The following ABI3BP variants were observed in gnomAD, a reference collection of about 807,000 sequenced individuals.
ABI3BP encodes the protein ABI family member 3 binding protein.
In ABI3BP, 216 loss-of-function variants were observed where a neutral mutation model predicts 268.6. The ratio of observed to expected loss-of-function variants is 0.80; its 90% confidence interval spans 0.72 to 0.90. The LOEUF (loss-of-function observed/expected upper bound fraction) is 0.90, where lower values mean the gene tolerates loss of function less well. Ranked by LOEUF, ABI3BP falls within the 40% of genes least tolerant of loss-of-function variation. ABI3BP has a pLI of 0.00. For synonymous variants in ABI3BP, 730 were observed against 730.0 expected, an observed-to-expected ratio of 1.00 and a Z score of 0.00; for missense variants, 2,090 against 2,182.4, an observed-to-expected ratio of 0.96 and a Z score of 0.84.
Position 100,840,844 on chromosome 3 carries a change from C to T in ABI3BP, c.1780G>A (p.Gly594Arg). 6.5e-7 allele frequency: 1 copy of T among 1,535,086 alleles called. No individual in the cohort carries two copies. Among genetic ancestry groups the T allele is most frequent in the Non-Finnish European group, 8.7e-7 (1 of 1,146,280 alleles). The change falls in exon 22 of 68, where the codon GGA becomes AGA. Residue 594 changes from glycine (G) to arginine (R), a missense_variant. Transcript: ENST00000471714. ...SQSTIGPETP[G>R]TKPSTTLAPR... ...CCTAATGTTGTTGAAGGTTTGGTTC[C>T]TGGTGTTTCAGGTCCTAAGACAATG...
In ABI3BP at chr3:100,816,848, T is replaced by G. The variant is rs1246930733; in HGVS notation, c.3149-80A>C. On this transcript the variant is annotated intron_variant, in intron 42 of 67. Coordinates refer to ENST00000471714, the MANE Select transcript of ABI3BP (RefSeq NM_001375547.2). ...TTAGGTTTTTAAAGGTATGTCATAT[T>G]TCCTTGAGATTTAAGTCATATGTCT... 4.2e-6 allele frequency: 4 copies of G among 947,158 alleles called. No individual in the cohort carries two copies. In the East Asian group the frequency reaches 1.1e-4, roughly 25 times the overall value. 58.7% of individuals were successfully genotyped at this position (947,158 alleles called of 1,614,324 possible). A position where few individuals can be genotyped will look rare whatever the true frequency, so the allele number is the denominator to read the frequency against.
chr3:100,810,305 G>A (rs1435785280), intron 49 of ABI3BP, 107 bp downstream of exon 49: 4 of 918,220 alleles, frequency 4.4e-6, no homozygotes, highest in African/African-American at 1.7e-5. Context: ...ACCCATCAAA[G>A]TCTGTGGGCA....
intron 2 of ABI3BP, among the ~76,000 whole-genome samples, chr3:100,918,818 G>T (rs2059424841): frequency 6.6e-6 from 1 of 152,162 alleles, no homozygotes; most frequent in Non-Finnish European, 1.5e-5. Flanking sequence ...AACAGATAAA[G>T]TTCCCTAAGT....
intron 1 of ABI3BP, among the ~76,000 whole-genome samples, chr3:100,989,105 A>C (rs558071551): frequency 2.0e-5 from 3 of 152,310 alleles, no homozygotes; most frequent in African/African-American, 7.2e-5. Context: ...TGCCCTTATA[A>C]AAAGTCTTAT....
intron 54 of ABI3BP, 84 bp downstream of exon 54, chr3:100,794,839 T>G: frequency 1.0e-6 from 1 of 979,360 alleles, no homozygotes. Flanking sequence ...AGAAAAAATC[T>G]GTGAACATAA....
intron 6 of ABI3BP, among the ~76,000 whole-genome samples, chr3:100,884,018 A>T (rs1349923616): frequency 6.6e-6 from 1 of 152,094 alleles, no homozygotes; most frequent in Non-Finnish European, 1.5e-5. Context: ...CATTTTGACC[A>T]AGTGAAAACA....
At chr3:100,896,735 G>A (rs774643278) in intron 4 of ABI3BP, among the ~76,000 whole-genome samples, 15 of 152,222 alleles carry the variant, frequency 9.9e-5, no homozygotes, top group East Asian at 3.9e-4. Context: ...ATTAGGAACC[G>A]GAATTATCAC....
chr3:100,762,437 A>G (rs1041343765), intron 63 of ABI3BP, among the ~76,000 whole-genome samples: 1 of 152,094 alleles, frequency 6.6e-6, no homozygotes, highest in Non-Finnish European at 1.5e-5. Flanking sequence ...TACCCCTTCC[A>G]TCCTATTCTT....
At chr3:100,787,657 C>A in intron 57 of ABI3BP, 71 bp downstream of exon 57, 2 of 1,227,812 alleles carry the variant, frequency 1.6e-6, no homozygotes, top group Admixed American at 2.9e-5. Flanking sequence ...GTGAATTCAG[C>A]AATATCATGA....
chr3:100,874,005 T>C (rs1310821384), intron 9 of ABI3BP, among the ~76,000 whole-genome samples: 2 of 152,318 alleles, frequency 1.3e-5, no homozygotes, highest in African/African-American at 4.8e-5. Flanking sequence ...TTGTTCAATT[T>C]CTACAGCACC....
Position 100,750,484 on chromosome 3 carries a change from T to G in ABI3BP, c.*11A>C, listed in dbSNP as rs752123935. The G allele has an allele frequency of 1.9e-6, 3 of 1,591,716 alleles. No homozygotes were observed. Among genetic ancestry groups the G allele is most frequent in the Non-Finnish European group, 1.7e-6 (2 of 1,161,972 alleles). On this transcript the variant is annotated 3_prime_UTR_variant, in exon 68 of 68. Coordinates refer to ENST00000471714, the MANE Select transcript of ABI3BP (RefSeq NM_001375547.2). ...TGCAATGATGAAACAGAAGGTAACT[T>G]TGTGCAGCATCTACCATTTTCCAGG...
Position 100,864,874 on chromosome 3 carries a change from G to C in ABI3BP, c.1022C>G (p.Pro341Arg). The change falls in exon 11 of 68, where the codon CCC becomes CGC. Residue 341 changes from proline to arginine, a missense_variant. Coordinates refer to ENST00000471714, the MANE Select transcript of ABI3BP (RefSeq NM_001375547.2). ...AACATCTAATGCACTAGACGTAGTG[G>C]GTTTAGTGCTTCTTGGAACTGTTTC... Reference protein sequence around the residue: ...TPETVPRSTKPTTSSALDVSE... With the variant: ...TPETVPRSTKRTTSSALDVSE... 1.2e-6 allele frequency: 2 copies of C among 1,608,636 alleles called. No individual in the cohort carries two copies. The highest frequency in any genetic ancestry group is 1.7e-6 in the Non-Finnish European group (2 of 1,178,290).
At chr3:100,810,128 A>G (rs532386686) in intron 49 of ABI3BP, among the ~76,000 whole-genome samples, 58 of 152,232 alleles carry the variant, frequency 3.8e-4, no homozygotes, top group Non-Finnish European at 7.2e-4. Context: ...CAGAATATAT[A>G]TATTTTAAAA....
intron 41 of ABI3BP, among the ~76,000 whole-genome samples, chr3:100,817,744 GA>G (rs2098101267): frequency 6.6e-6 from 1 of 152,160 alleles, no homozygotes; most frequent in African/African-American, 2.4e-5. Flanking sequence ...CACATTAGTG[GA>G]AGATTGTTGG....
At chr3:100,767,220 C>G (rs560439115) in intron 62 of ABI3BP, among the ~76,000 whole-genome samples, 1 of 152,106 alleles carries the variant, frequency 6.6e-6, no homozygotes, top group Non-Finnish European at 1.5e-5. Flanking sequence ...GGATTACAGG[C>G]GTGAGCCACT....
intron 53 of ABI3BP, 56 bp downstream of exon 53, chr3:100,795,748 T>C: frequency 8.3e-7 from 1 of 1,211,722 alleles, no homozygotes; most frequent in East Asian, 5.8e-5. Context: ...GAGAAAGGCC[T>C]GCAATCTTGA....
At chr3:100,983,007 C>A (rs2090290788) in intron 1 of ABI3BP, among the ~76,000 whole-genome samples, 1 of 152,226 alleles carries the variant, frequency 6.6e-6, no homozygotes, top group Non-Finnish European at 1.5e-5. Flanking sequence ...AGAAGCAAGG[C>A]CTGTTAGGTC....
intron 6 of ABI3BP, 80 bp from the exon 7 acceptor site, chr3:100,876,640 G>A: frequency 7.7e-7 from 1 of 1,306,250 alleles, no homozygotes; most frequent in African/African-American, 1.5e-5. Context: ...AGAACTGGAA[G>A]TAGCCCTTTC....
At position 100,869,154 on chromosome 3, in the gene ABI3BP, C is replaced by T. The variant is rs1482441358; in HGVS notation, c.911-2198G>A. Among the ~76,000 whole-genome samples the T allele has an allele frequency of 3.3e-5, 5 of 151,784 alleles. No individual in the cohort carries two copies. The East Asian group carries it at 5.8e-4, about 18-fold the overall frequency. On this transcript the variant is annotated intron_variant, in intron 9 of 67. Transcript: ENST00000471714. The stretch of plus-strand genomic sequence containing the variant: ...CGTCCAGATCCTAGACTTTCACAGG[C>T]GATGCTCTCAATTTCTTTATTCAAA...
Sources: gnomAD v4.1 joint callset for allele counts (sites outside exome capture counted in the v4.1 genomes callset) on GRCh38, gnomAD v4.1.1 for gene constraint, MANE v1.5 for transcripts, NCBI Gene and HGNC (gene_info 2026-07-23, HGNC 2026-07-21) for gene names.